CYBA: variants seen among roughly 807,000 people sequenced by gnomAD.
The protein encoded by CYBA is cytochrome b-245 light chain.
A neutral mutation model predicts 20.8 loss-of-function variants in CYBA; 21 were observed. That is an observed-to-expected ratio of 1.01 (90% CI 0.72 to 1.46). The LOEUF is 1.46. CYBA is among the 40% of genes most tolerant of loss of function. The pLI is 0.00. For missense variants in CYBA, 344 were observed against 287.0 expected (o/e 1.20, Z -1.43); for synonymous variants, 164 against 127.5 (o/e 1.29, Z -1.93).
chr16:88,646,245 AG>A, intron 4 of CYBA, 48 bp from the exon 5 acceptor site: 1 of 1,484,042 alleles, frequency 6.7e-7, no homozygotes, highest in Non-Finnish European at 9.1e-7. Context: ...GCACTCAGAA[AG>A]GGGAACGGAG....
intron 1 of CYBA, chr16:88,650,637 C>A: frequency 1.8e-6 from 1 of 555,626 alleles, no homozygotes. Context: ...CCCCGGAAAC[C>A]ACCGGGGCTG....
chr16:88,648,096 A>G lies in CYBA; in HGVS notation c.77T>C (p.Ile26Thr). Residue 26 changes from isoleucine (I) to threonine (T), a missense_variant, in exon 2 of 6, where the codon ATC (isoleucine) becomes ACC (threonine). By Grantham distance (89) the Ile-to-Thr change is moderately conservative. Coordinates refer to ENST00000261623, the MANE Select transcript of CYBA (RefSeq NM_000101.4). ...ASGLILITGG[I>T]VATAGRFTQW... ...GGTGAAGCGCCCAGCTGTGGCCACG[A>G]TGCCCCCGGTGATGAGGACTGCGGG... is the stretch of plus-strand genomic sequence containing the variant. 2 of 1,612,726 alleles carry G rather than the reference A, an allele frequency of 1.2e-6. No individual in the cohort carries two copies. Among genetic ancestry groups the G allele is most frequent in the Admixed American group, 3.3e-5 (2 of 59,932 alleles).
intron 2 of CYBA, 108 bp from the exon 3 acceptor site, chr16:88,647,283 T>G (rs1008083952): frequency 9.2e-7 from 1 of 1,081,450 alleles, no homozygotes; most frequent in Non-Finnish European, 1.4e-6. Context: ...GGCTCATGCC[T>G]GGAATCCCAG....
chr16:88,648,157 G>T (rs201647266), intron 1 of CYBA, 43 bp from the exon 2 acceptor site: 1 of 1,559,800 alleles, frequency 6.4e-7, no homozygotes, highest in South Asian at 1.2e-5. Context: ...CTCCCGTCCC[G>T]GGGGCCTGGG....
At chr16:88,650,242 C>T (rs1208011728) in intron 1 of CYBA, 1 of 393,164 alleles carries the variant, frequency 2.5e-6, no homozygotes, top group South Asian at 1.8e-5. Flanking sequence ...CTCGCCTGAG[C>T]CCAGCCTCAC....
chr16:88,648,164 T>G, intron 1 of CYBA, 50 bp from the exon 2 acceptor site: 1 of 1,545,380 alleles, frequency 6.5e-7, no homozygotes, highest in Non-Finnish European at 8.8e-7. Context: ...CCCGGGGGCC[T>G]GGGCCACCCC....
intron 5 of CYBA, chr16:88,645,117 C>A (rs1277183088): frequency 1.4e-6 from 1 of 695,270 alleles, no homozygotes; most frequent in South Asian, 1.5e-5. Context: ...CCCAGCAATT[C>A]CTCTCTGGGT....
In CYBA at chr16:88,643,302, G is replaced by C. The variant is rs1001791471; in HGVS notation, c.*51C>G. 3.0e-6 allele frequency: 4 copies of C among 1,350,624 alleles called. No homozygotes were observed. The highest frequency in any genetic ancestry group is 3.9e-6 in the Non-Finnish European group (4 of 1,013,474). 83.7% of individuals were successfully genotyped at this position (1,350,624 alleles called of 1,614,324 possible). On this transcript the variant is annotated 3_prime_UTR_variant, in exon 6 of 6. Transcript: ENST00000261623. This position sits in a 1 kb window ranked among gnomAD's most constrained non-coding sequence, Gnocchi z 4.3. ...AGGCTCACGCGCTCCCGGCTTCGCT[G>C]CATTTATTGCAGGTGGGTGCACCTG...
At chr16:88,648,507 C>T (rs1368351026) in intron 1 of CYBA, among the ~76,000 whole-genome samples, 1 of 152,194 alleles carries the variant, frequency 6.6e-6, no homozygotes, top group Non-Finnish European at 1.5e-5. Flanking sequence ...CTTTTTCCCC[C>T]CGATACGGAG....
intron 1 of CYBA, chr16:88,650,323 C>G (rs886173479): frequency 6.6e-6 from 3 of 454,696 alleles, no homozygotes; most frequent in Non-Finnish European, 1.3e-5. Context: ...CCGCTGCCCT[C>G]ACCAGAACCT....
chr16:88,644,711 G>C, intron 5 of CYBA: 1 of 185,590 alleles, frequency 5.4e-6, no homozygotes, highest in South Asian at 1.0e-4. Flanking sequence ...TGTAGTCCCA[G>C]CTACTCGGGA....
chr16:88,648,222 AC>A, intron 1 of CYBA, 108 bp from the exon 2 acceptor site: 2 of 978,382 alleles, frequency 2.0e-6, no homozygotes, highest in Non-Finnish European at 3.1e-6. Context: ...GCTGCCCCCT[AC>A]CCATCCCCAC....
intron 5 of CYBA, chr16:88,645,192 G>C: frequency 1.4e-6 from 1 of 701,772 alleles, no homozygotes; most frequent in Non-Finnish European, 2.6e-6. Flanking sequence ...GCAGGGAGAC[G>C]GGGGGGATGC....
rs756890606 is a variant in CYBA, at chr16:88,647,137, C to G, written c.167G>C (p.Arg56Pro). 2 of 1,611,122 alleles carry G rather than the reference C, an allele frequency of 1.2e-6. No individual in the cohort carries two copies. Among genetic ancestry groups the G allele is most frequent in the Non-Finnish European group, 1.7e-6 (2 of 1,179,722 alleles). The change falls in exon 3 of 6, where the codon CGG becomes CCG. Residue 56 changes from arginine to proline, a missense_variant. Physicochemically the swap from Arg to Pro is moderately radical, Grantham distance 103 (BLOSUM62 -2). Coordinates refer to ENST00000261623, the MANE Select transcript of CYBA (RefSeq NM_000101.4). ...GVFVCLLEYPRGKRKKGSTME... is the reference protein window; with the variant it reads ...GVFVCLLEYPPGKRKKGSTME... ...GGTGGAGCCCTTCTTCCTCTTCCCCCGGGGGTACTCCAGCAGGCACACAAA... is the reference window on the plus strand; with the variant it reads ...GGTGGAGCCCTTCTTCCTCTTCCCCGGGGGGTACTCCAGCAGGCACACAAA...
chr16:88,645,326 C>T (rs924768139), intron 5 of CYBA: 9 of 702,334 alleles, frequency 1.3e-5, no homozygotes, highest in Middle Eastern at 2.3e-4. Context: ...CTTCCATACG[C>T]GGAAGGCGTA....
At chr16:88,650,620 G>T (rs574964788) in intron 1 of CYBA, 1 of 529,800 alleles carries the variant, frequency 1.9e-6, no homozygotes, top group South Asian at 1.6e-5. Context: ...GGGCTTCGGG[G>T]CGGTGACCCC....
Position 88,650,982 on chromosome 16 carries a change from T to C in CYBA, c.32A>G (p.Asn11Ser). The C allele has an allele frequency of 1.9e-6, 3 of 1,597,140 alleles. No individual in the cohort carries two copies. Among genetic ancestry groups the C allele is most frequent in the Non-Finnish European group, 2.6e-6 (3 of 1,173,274 alleles). The change falls in exon 1 of 6, where the codon AAC becomes AGC. Residue 11 changes from asparagine to serine, a missense_variant. Asn to Ser is a conservative substitution (Grantham distance 46). Coordinates refer to ENST00000261623, the MANE Select transcript of CYBA (RefSeq NM_000101.4). MGQIEWAMWA[N>S]EQALASGLIL... Reference sequence around the variant, plus strand: ...CAGGCCGGACGCCAGCGCCTGTTCGTTGGCCCACATGGCCCACTCGATCTG... The same window carrying C: ...CAGGCCGGACGCCAGCGCCTGTTCGCTGGCCCACATGGCCCACTCGATCTG...
In CYBA at chr16:88,643,368, G is replaced by A. The variant is rs1159034472; in HGVS notation, c.573C>T (p.Thr191=). The change falls in exon 6 of 6, where the codon ACC becomes ACT. Residue 191 remains threonine, a synonymous_variant. Transcript: ENST00000261623. This position sits in a 1 kb window ranked among gnomAD's most constrained non-coding sequence, Gnocchi z 4.3. ...CGGGGCGAGGTCACACGACCTCGTC[G>A]GTCACCGGGATGGGGTTGACCTGGG... ...GGPQVNPIPV[T]DEVV is the part of the protein sequence containing the mutation. The A allele has an allele frequency of 1.4e-5, 22 of 1,528,484 alleles. No homozygotes were observed. The highest frequency in any genetic ancestry group is 1.8e-4 in the Middle Eastern group (1 of 5,500). 94.7% of individuals were successfully genotyped at this position (1,528,484 alleles called of 1,614,324 possible). A position where few individuals can be genotyped will look rare whatever the true frequency, so the allele number is the denominator to read the frequency against.
At position 88,646,779 on chromosome 16, in the gene CYBA, T is replaced by C. The variant is rs750435982; in HGVS notation, c.263A>G (p.Tyr88Cys). ...CAGGAGATGCAGGACGGCCCGAACA[T>C]AGTAATTCCTGGTAAAGGGCCCGAA... Reference protein sequence around the residue: ...KLFGPFTRNYYVRAVLHLLLS... With the variant: ...KLFGPFTRNYCVRAVLHLLLS... The change falls in exon 4 of 6, where the codon TAT (tyrosine) becomes TGT (cysteine). Residue 88 changes from tyrosine (Y) to cysteine (C), a missense_variant. By Grantham distance (194) the Tyr-to-Cys change is radical. Transcript: ENST00000261623. The C allele has an allele frequency of 3.1e-6, 5 of 1,613,780 alleles. No individual in the cohort carries two copies. The highest frequency in any genetic ancestry group is 4.2e-6 in the Non-Finnish European group (5 of 1,179,936).
Sources: allele counts gnomAD v4.1 joint callset (sites outside exome capture counted in the v4.1 genomes callset), GRCh38; gene constraint gnomAD v4.1.1; non-coding constraint Gnocchi (gnomAD v3.1); transcripts MANE v1.5; gene names NCBI Gene and HGNC (gene_info 2026-07-23, HGNC 2026-07-21).